HS3ST4: variants seen among roughly 807,000 people sequenced by gnomAD.
HS3ST4 encodes heparan sulfate-glucosamine 3-sulfotransferase 4.
HS3ST4 carries 17 observed loss-of-function variants against 29.2 expected under a neutral mutation model. That is an observed-to-expected ratio of 0.58 (90% CI 0.40 to 0.87). HS3ST4 has a LOEUF of 0.87. Ranked by LOEUF, HS3ST4 falls within the 40% of genes least tolerant of loss-of-function variation. The probability of loss-of-function intolerance (pLI) is 0.00; values close to 1 mark genes in which losing one functional copy is unlikely to be tolerated. For synonymous variants in HS3ST4, 314 were observed against 285.7 expected, an observed-to-expected ratio of 1.10 and a Z score of -1.00; for missense variants, 627 against 634.5, an observed-to-expected ratio of 0.99 and a Z score of 0.13.
chr16:26,106,352 C>T (rs1337101793), intron 1 of HS3ST4, among the ~76,000 whole-genome samples: 1 of 152,144 alleles, frequency 6.6e-6, no homozygotes, highest in Non-Finnish European at 1.5e-5. Flanking sequence ...AAGGTGACTT[C>T]TCTATAAGAA....
At chr16:25,708,246 G>T (rs1414263638) in intron 1 of HS3ST4, among the ~76,000 whole-genome samples, 2 of 152,154 alleles carry the variant, frequency 1.3e-5, no homozygotes, top group African/African-American at 4.8e-5. Context: ...AAAACGAGTG[G>T]CTCCTTGCTC....
chr16:26,045,718 A>C (rs187797281), intron 1 of HS3ST4, among the ~76,000 whole-genome samples: 1 of 152,046 alleles, frequency 6.6e-6, no homozygotes, highest in Non-Finnish European at 1.5e-5. Flanking sequence ...TTGTTCACGA[A>C]TTTTCCATCT....
intron 1 of HS3ST4, among the ~76,000 whole-genome samples, chr16:25,700,953 T>A (rs542479122): frequency 6.6e-6 from 1 of 152,350 alleles, no homozygotes; most frequent in African/African-American, 2.4e-5. Context: ...TTTTTTTCAG[T>A]TGCAAATGAC....
chr16:25,692,608 C>A lies in HS3ST4; in HGVS notation c.191C>A (p.Ala64Glu), dbSNP rs1031231405. Residue 64 changes from alanine (A) to glutamate (E), a missense_variant, in exon 1 of 2, where the codon GCG becomes GAG. Coordinates refer to ENST00000331351, the MANE Select transcript of HS3ST4 (RefSeq NM_006040.3). ...TCGGGCTCCCTGCAATTCCCTCTGG[C>A]GCTGCAGGAGTCGCCGGGCGCCGCC... Reference protein sequence around the residue: ...GGSGSLQFPLALQESPGAAAE... With the variant: ...GGSGSLQFPLELQESPGAAAE... 9 of 1,393,738 alleles carry A rather than the reference C, an allele frequency of 6.5e-6. No individual in the cohort carries two copies. The highest frequency in any genetic ancestry group is 1.9e-4 in the Middle Eastern group (1 of 5,286). 86.3% of individuals were successfully genotyped at this position (1,393,738 alleles called of 1,614,324 possible). A position where few individuals can be genotyped will look rare whatever the true frequency, so the allele number is the denominator to read the frequency against.
At chr16:25,789,012 G>T (rs562329295) in intron 1 of HS3ST4, among the ~76,000 whole-genome samples, 146 of 152,220 alleles carry the variant, frequency 9.6e-4, no homozygotes, top group Non-Finnish European at 1.8e-3. Context: ...TGGGTTATAT[G>T]TGCATTTCTT....
intron 1 of HS3ST4, among the ~76,000 whole-genome samples, chr16:25,751,108 A>ACTC (rs1483590145): frequency 6.6e-6 from 1 of 151,854 alleles, no homozygotes; most frequent in Non-Finnish European, 1.5e-5. Context: ...AAACTGCACA[A>ACTC]CTCCTGTGTC....
chr16:26,085,821 C>T (rs187911341), intron 1 of HS3ST4, among the ~76,000 whole-genome samples: 17 of 151,830 alleles, frequency 1.1e-4, no homozygotes, highest in African/African-American at 3.4e-4. Context: ...CTGCAGTGAG[C>T]TATGATTGTG....
At chr16:25,696,953 C>T (rs1388194556) in intron 1 of HS3ST4, among the ~76,000 whole-genome samples, 1 of 152,074 alleles carries the variant, frequency 6.6e-6, no homozygotes, top group East Asian at 1.9e-4. Context: ...CACGTGGCTC[C>T]GAGAGGGTAA....
intron 1 of HS3ST4, among the ~76,000 whole-genome samples, chr16:25,870,403 A>G (rs1411772201): frequency 2.0e-5 from 3 of 152,194 alleles, no homozygotes; most frequent in Non-Finnish European, 4.4e-5. Flanking sequence ...TAGGGAGTAA[A>G]AAAAAAGCTC....
rs1418908918 is a variant in HS3ST4 at position 26,040,593 on chromosome 16, C to G, written c.735-95019C>G. Among the ~76,000 whole-genome samples the G allele has an allele frequency of 5.9e-5, 9 of 151,952 alleles. No homozygotes were observed. In the South Asian group the frequency reaches 1.9e-3, roughly 32 times the overall value. ...GTGCAGGGATTACAGGGGTGAGCCA[C>G]CGCATTCGGCCTGCTGTCAGTATGT... is the stretch of plus-strand genomic sequence containing the variant. On this transcript the variant is annotated intron_variant, in intron 1 of 1. Transcript: ENST00000331351.
At chr16:25,770,713 G>A (rs189085147) in intron 1 of HS3ST4, among the ~76,000 whole-genome samples, 202 of 152,264 alleles carry the variant, frequency 1.3e-3, no homozygotes, top group Middle Eastern at 3.4e-3. Flanking sequence ...GATGCATTTC[G>A]TTTGGGCTGC....
At chr16:25,920,608 C>CTTT (rs765957650) in intron 1 of HS3ST4, among the ~76,000 whole-genome samples, 1 of 133,860 alleles carries the variant, frequency 7.5e-6, no homozygotes, top group Non-Finnish European at 1.6e-5. Context: ...CCCCACCCCT[C>CTTT]TTTTTTTTTT....
intron 1 of HS3ST4, among the ~76,000 whole-genome samples, chr16:25,840,727 G>T (rs1052182255): frequency 8.5e-5 from 13 of 152,056 alleles, no homozygotes; most frequent in Non-Finnish European, 1.5e-4. Flanking sequence ...ATTCAGCAAA[G>T]AATTTAATCA....
intron 1 of HS3ST4, among the ~76,000 whole-genome samples, chr16:26,051,935 TTCC>T (rs1898353768): frequency 8.0e-6 from 1 of 125,776 alleles, no homozygotes; most frequent in African/African-American, 3.0e-5. Flanking sequence ...CCTTCCTTCC[TTCC>T]GTCCTTCCTT....
intron 1 of HS3ST4, among the ~76,000 whole-genome samples, chr16:25,710,141 G>A (rs1052430694): frequency 8.6e-5 from 13 of 151,094 alleles, no homozygotes; most frequent in African/African-American, 3.2e-4. Context: ...TCTGTAAGAC[G>A]TTTTAGGAAA....
chr16:25,906,666 A>T (rs1426520462), intron 1 of HS3ST4, among the ~76,000 whole-genome samples: 1 of 152,208 alleles, frequency 6.6e-6, no homozygotes, highest in Admixed American at 6.5e-5. Context: ...TAAGATAATC[A>T]GGAAAATAGG....
intron 1 of HS3ST4, among the ~76,000 whole-genome samples, chr16:25,995,308 G>A (rs546995616): frequency 3.9e-5 from 6 of 152,294 alleles, no homozygotes; most frequent in South Asian, 2.1e-4. Context: ...TCCAAAGGTA[G>A]CATTTGCTGC....
At chr16:25,752,026 C>G (rs1430033795) in intron 1 of HS3ST4, among the ~76,000 whole-genome samples, 1 of 151,778 alleles carries the variant, frequency 6.6e-6, no homozygotes, top group Admixed American at 6.6e-5. Context: ...TGAGATTAAA[C>G]CTGGGACTGT....
chr16:25,863,244 C>G (rs12444571), intron 1 of HS3ST4, among the ~76,000 whole-genome samples: 1 of 151,892 alleles, frequency 6.6e-6, no homozygotes, highest in Non-Finnish European at 1.5e-5. Flanking sequence ...CCACCATGCC[C>G]GGCTAATTTT....
Sources: gnomAD v4.1 joint callset for allele counts (sites outside exome capture counted in the v4.1 genomes callset) on GRCh38, gnomAD v4.1.1 for gene constraint, MANE v1.5 for transcripts, NCBI Gene and HGNC (gene_info 2026-07-23, HGNC 2026-07-21) for gene names.